The following CD63 variants were observed in gnomAD, a reference collection of about 807,000 sequenced individuals.
CD63 encodes the protein CD63 molecule.
Under a neutral mutation model 29.2 loss-of-function variants are expected in CD63, and 16 were observed. The observed-to-expected ratio is 0.55, with a 90% CI of 0.37 to 0.83. The LOEUF is 0.83. Ranked by LOEUF, CD63 falls within the 40% of genes least tolerant of loss-of-function variation. CD63 has a pLI of 0.00. For missense variants in CD63, 251 were observed against 297.3 expected (o/e 0.84, Z 1.15); for synonymous variants, 118 against 111.7 (o/e 1.06, Z -0.36).
In CD63 at chr12:55,728,218, T is replaced by C. The variant is rs564693257; in HGVS notation, c.66+58A>G. The C allele has an allele frequency of 4.8e-6, 7 of 1,444,486 alleles. No homozygotes were observed. The East Asian group carries it at 1.6e-4, about 34-fold the overall frequency. The allele number at this position is 1,444,486 out of a possible 1,614,324, so 89.5% of individuals were successfully genotyped here. ...CTCATTCCCTCAGCCCTCACCACTGTGGAGCCAGGTCTCCCCGCACCCTGC... is the reference window on the plus strand; with the variant it reads ...CTCATTCCCTCAGCCCTCACCACTGCGGAGCCAGGTCTCCCCGCACCCTGC... On this transcript the variant is annotated intron_variant, in intron 2 of 7. Coordinates refer to ENST00000257857, the MANE Select transcript of CD63 (RefSeq NM_001780.6). The surrounding 1 kb of genome is among the most constrained non-coding windows in gnomAD (Gnocchi z 4.8).
rs1279067106 is a variant in CD63, at chr12:55,728,645, C to T, written c.-11-293G>A. 5 of 1,280,864 alleles carry T rather than the reference C, an allele frequency of 3.9e-6. No homozygotes were observed. The highest frequency in any genetic ancestry group is 4.0e-6 in the Non-Finnish European group (4 of 1,009,040). The allele number at this position is 1,280,864 out of a possible 1,614,324, so 79.3% of individuals were successfully genotyped here. ...CGCCGACCCTCGGCCCGCCAGTCTC[C>T]GGGCGTCAAACACCCTTTCCCCACC... On this transcript the variant is annotated intron_variant, in intron 1 of 7. Coordinates refer to ENST00000257857, the MANE Select transcript of CD63 (RefSeq NM_001780.6). This position sits in a 1 kb window ranked among gnomAD's most constrained non-coding sequence, Gnocchi z 4.8.
intron 2 of CD63, chr12:55,727,886 A>G: frequency 9.2e-7 from 1 of 1,082,328 alleles, no homozygotes; most frequent in Non-Finnish European, 1.1e-6. Flanking sequence ...GGAGGAGGGA[A>G]AGGGGGAGAG....
In CD63 at chr12:55,725,590, T is replaced by A. The variant is rs531305760; in HGVS notation, c.688A>T (p.Ser230Cys). Residue 230 changes from serine (S) to cysteine (C), a missense_variant, in exon 8 of 8, where the codon AGT (serine) becomes TGT (cysteine). Physicochemically the swap from Ser to Cys is moderately radical, Grantham distance 112. Transcript: ENST00000257857. ...GIVFACCLVK[S>C]IRSGYEVM ...ATCACCTCGTAGCCACTTCTGATAC[T>A]CTTCACGAGGCAGCAGGCAAAGACA... 2.0e-4 allele frequency: 316 copies of A among 1,614,052 alleles called. No homozygotes were observed. The South Asian group carries it at 3.2e-3, about 17-fold the overall frequency.
At chr12:55,726,554 A>G in intron 5 of CD63, 146 bp downstream of exon 5, 1 of 699,510 alleles carries the variant, frequency 1.4e-6, no homozygotes, top group South Asian at 1.7e-5. Context: ...CACGTTGGCC[A>G]GGCTAGTCTT....
chr12:55,723,889 G>T, downstream of CD63: 1 of 1,613,814 alleles, frequency 6.2e-7, no homozygotes, highest in South Asian at 1.1e-5. Flanking sequence ...ACTCTAGGCG[G>T]GATGTAGCTC....
downstream of CD63, chr12:55,723,988 C>T: frequency 1.2e-6 from 2 of 1,613,806 alleles, no homozygotes; most frequent in Non-Finnish European, 1.7e-6. Context: ...CCCTGCAGGC[C>T]TGCTGGGCAC....
downstream of CD63, chr12:55,723,916 C>A (rs13193): frequency 2.4e-5 from 39 of 1,613,902 alleles, no homozygotes; most frequent in Non-Finnish European, 3.1e-5. Context: ...GGATACGAGT[C>A]TCCATCGTGG....
upstream of CD63, chr12:55,729,596 T>C (rs1386846528): frequency 2.0e-5 from 3 of 152,136 alleles, no homozygotes; most frequent in African/African-American, 7.2e-5. Flanking sequence ...TCTCCCAACA[T>C]TCTACAGCAT....
At chr12:55,724,619 G>T, downstream of CD63, 2 of 1,301,476 alleles carry the variant, frequency 1.5e-6, no homozygotes, top group Non-Finnish European at 2.2e-6. Flanking sequence ...CCCTGGTACT[G>T]CCTGGTGCCT....
Position 55,726,137 on chromosome 12 carries a change from T to G in CD63, c.551A>C (p.Lys184Thr). 6.2e-7 allele frequency: 1 copy of G among 1,614,020 alleles called. No homozygotes were observed. Among genetic ancestry groups the G allele is most frequent in the Non-Finnish European group, 8.5e-7 (1 of 1,180,004 alleles). Residue 184 changes from lysine to threonine, a missense_variant, in exon 6 of 8, where the codon AAG becomes ACG. Physicochemically the swap from Lys to Thr is moderately conservative, Grantham distance 78. Coordinates refer to ENST00000257857, the MANE Select transcript of CD63 (RefSeq NM_001780.6). ...CCTCCCTACCTCCTTATGGATCGCC[T>G]TCTCGTTGAAATTAATCCCACAGCC... ...TVGCGINFNEKAIHKEGCVEK... is the reference protein window; with the variant it reads ...TVGCGINFNETAIHKEGCVEK...
At chr12:55,723,907 GA>G (rs755766300), downstream of CD63, 10 of 1,614,034 alleles carry the variant, frequency 6.2e-6, no homozygotes, top group Admixed American at 1.7e-5. Context: ...CTCATTTTGG[GA>G]TACGAGTCTC....
rs1877612705 is a variant in CD63 at position 55,728,077 on chromosome 12, G to A, written c.66+199C>T. On this transcript the variant is annotated intron_variant, in intron 2 of 7. Transcript: ENST00000257857. The surrounding 1 kb of genome is among the most constrained non-coding windows in gnomAD (Gnocchi z 4.8). ...GGGGGTAGGGGTTGCTGCACACCCA[G>A]GATGGCCATTCTCGGTGGAAACAAG... Among the ~76,000 whole-genome samples the A allele has an allele frequency of 1.3e-5, 2 of 152,022 alleles. No homozygotes were observed. Among genetic ancestry groups the A allele is most frequent in the South Asian group, 4.2e-4 (2 of 4,808 alleles).
intron 2 of CD63, 79 bp from the exon 3 acceptor site, chr12:55,727,418 A>G: frequency 7.2e-7 from 1 of 1,386,738 alleles, no homozygotes; most frequent in Non-Finnish European, 9.9e-7. Context: ...GGGTACACCT[A>G]GGACACAGAC....
intron 5 of CD63, 96 bp from the exon 6 acceptor site, chr12:55,726,357 TTTGAGACAGAGAC>T (rs1472181371): frequency 8.9e-7 from 1 of 1,121,026 alleles, no homozygotes; most frequent in Non-Finnish European, 1.2e-6. Context: ...TTTTTTTTTT[TTTGAGACAGAGAC>T]TTGCTCTGTT....
chr12:55,727,374 C>CA, intron 2 of CD63, 35 bp from the exon 3 acceptor site: 1 of 1,582,480 alleles, frequency 6.3e-7, no homozygotes, highest in South Asian at 1.1e-5. Flanking sequence ...AGGCCATATC[C>CA]ACAACACAGT....
In CD63 at chr12:55,727,145, A is replaced by G. The variant is rs1306788345; in HGVS notation, c.255+6T>C. ...ACCGCCCATGTTGGTCCCGCCCCCAACTCACCGTGATCATAAGACAATAGT... is the reference window on the plus strand; with the variant it reads ...ACCGCCCATGTTGGTCCCGCCCCCAGCTCACCGTGATCATAAGACAATAGT... On this transcript the variant is annotated splice_donor_region_variant and intron_variant, in intron 3 of 7. Coordinates refer to ENST00000257857, the MANE Select transcript of CD63 (RefSeq NM_001780.6). 6.2e-7 allele frequency: 1 copy of G among 1,611,310 alleles called. No individual in the cohort carries two copies. The highest frequency in any genetic ancestry group is 1.3e-5 in the African/African-American group (1 of 74,894).
chr12:55,726,212 G>A lies in CD63; in HGVS notation c.476C>T (p.Ser159Phe). The A allele has an allele frequency of 6.2e-7, 1 of 1,613,960 alleles. No individual in the cohort carries two copies. The highest frequency in any genetic ancestry group is 8.5e-7 in the Non-Finnish European group (1 of 1,179,938). Residue 159 changes from serine to phenylalanine, a missense_variant, in exon 6 of 8, where the codon TCC (serine) becomes TTC (phenylalanine). Ser to Phe is a radical substitution (Grantham distance 155, BLOSUM62 -2). Coordinates refer to ENST00000257857, the MANE Select transcript of CD63 (RefSeq NM_001780.6). Reference protein sequence around the residue: ...ANYTDWEKIPSMSKNRVPDSC... With the variant: ...ANYTDWEKIPFMSKNRVPDSC... Reference sequence around the variant, plus strand: ...GTCGGGGACTCGGTTCTTCGACATGGAAGGGATTTTCTCCCAATCTGTGTA... The same window carrying A: ...GTCGGGGACTCGGTTCTTCGACATGAAAGGGATTTTCTCCCAATCTGTGTA...
Position 55,729,001 on chromosome 12 carries a change from G to C in CD63, c.-60C>G. 1 of 985,296 alleles carries C rather than the reference G, an allele frequency of 1.0e-6. No homozygotes were observed. The highest frequency in any genetic ancestry group is 1.7e-5 in the African/African-American group (1 of 57,268). The allele number at this position is 985,296 out of a possible 1,614,324, so 61.0% of individuals were successfully genotyped here. On this transcript the variant is annotated 5_prime_UTR_variant, in exon 1 of 8. Transcript: ENST00000257857. The stretch of plus-strand genomic sequence containing the variant: ...GCGTTCCTCTCCCGCCGCGGCTCCG[G>C]GGCTCTCTAGCTGCGCCCCCCGGCT...
chr12:55,723,963 A>G (rs1294762250), downstream of CD63: 1 of 1,614,088 alleles, frequency 6.2e-7, no homozygotes. Flanking sequence ...ACCAACCTGG[A>G]GAGTCTGGAG....
Sources: allele counts gnomAD v4.1 joint callset (sites outside exome capture counted in the v4.1 genomes callset), GRCh38; gene constraint gnomAD v4.1.1; non-coding constraint Gnocchi (gnomAD v3.1); transcripts MANE v1.5; gene names NCBI Gene and HGNC (gene_info 2026-07-23, HGNC 2026-07-21).